Variants in WWOX observed in about 807,000 individuals in gnomAD.
The protein encoded by WWOX is WW domain containing oxidoreductase, also known as WW domain-containing oxidoreductase.
Under a neutral mutation model 46.2 loss-of-function variants are expected in WWOX, and 69 were observed. The observed-to-expected ratio is 1.49, with a 90% CI of 1.23 to 1.82. The LOEUF is 1.82. WWOX is among the 40% of genes most tolerant of loss of function. WWOX has a pLI of 0.00. For missense variants in WWOX, 919 were observed against 542.6 expected, an observed-to-expected ratio of 1.69 and a Z score of -6.89; for synonymous variants, 359 against 202.6, an observed-to-expected ratio of 1.77 and a Z score of -6.56.
Position 78,110,360 on chromosome 16 carries a change from AAG to A in WWOX, c.230+528_230+529del, listed in dbSNP as rs1555535410. Among the ~76,000 whole-genome samples, 11 of 147,972 alleles carry A rather than the reference AAG, an allele frequency of 7.4e-5. 1 individual carries two copies. Among genetic ancestry groups the A allele is most frequent in the Non-Finnish European group, 1.2e-4 (8 of 66,236 alleles). ...TTCTCAAAAAAAAAAAAAAAAAAAAAAGAGGGAATGCACTGTGTGGACTGTTT... is the reference window on the plus strand; with the variant it reads ...TTCTCAAAAAAAAAAAAAAAAAAAAAAGGGAATGCACTGTGTGGACTGTTT... On this transcript the variant is annotated intron_variant, in intron 3 of 8. Coordinates refer to ENST00000566780, the MANE Select transcript of WWOX (RefSeq NM_016373.4).
chr16:78,691,563 C>T (rs982251630), intron 8 of WWOX, among the ~76,000 whole-genome samples: 1 of 152,018 alleles, frequency 6.6e-6, no homozygotes, highest in Non-Finnish European at 1.5e-5. Context: ...AAAAAATTAT[C>T]TGGGTATAGT....
intron 8 of WWOX, among the ~76,000 whole-genome samples, chr16:78,524,664 C>T (rs2043420613): frequency 6.6e-6 from 1 of 151,892 alleles, no homozygotes; most frequent in Non-Finnish European, 1.5e-5. Context: ...CGTGATCCAC[C>T]CGCCTCAGCC....
chr16:78,395,454 G>C (rs1043328455), intron 6 of WWOX, among the ~76,000 whole-genome samples: 1 of 152,174 alleles, frequency 6.6e-6, no homozygotes, highest in Non-Finnish European at 1.5e-5. Flanking sequence ...GCATGGTGGA[G>C]GCTGCCATGA....
chr16:78,199,512 C>G (rs772561504), intron 5 of WWOX, among the ~76,000 whole-genome samples: 5 of 152,138 alleles, frequency 3.3e-5, no homozygotes, highest in East Asian at 1.9e-4. Flanking sequence ...GCATCATGAC[C>G]TTTGTACTAC....
intron 5 of WWOX, among the ~76,000 whole-genome samples, chr16:78,216,302 A>C (rs537430080): frequency 2.0e-5 from 3 of 152,334 alleles, no homozygotes; most frequent in African/African-American, 7.2e-5. Flanking sequence ...CACTTTGAAC[A>C]CTTGCAGGTT....
At chr16:78,307,230 C>G (rs1261301475) in intron 5 of WWOX, among the ~76,000 whole-genome samples, 2 of 152,162 alleles carry the variant, frequency 1.3e-5, no homozygotes, top group Admixed American at 6.5e-5. Context: ...CCGTTCATTG[C>G]TAGCACAATG....
At chr16:79,196,849 A>T (rs760842106) in intron 8 of WWOX, among the ~76,000 whole-genome samples, 2 of 152,116 alleles carry the variant, frequency 1.3e-5, no homozygotes, top group African/African-American at 4.8e-5. Context: ...GAAATAATGA[A>T]GTCTAAGGTC....
At chr16:78,938,198 G>A (rs1414309751) in intron 8 of WWOX, among the ~76,000 whole-genome samples, 1 of 152,166 alleles carries the variant, frequency 6.6e-6, no homozygotes, top group African/African-American at 2.4e-5. Flanking sequence ...AGAGGAGTGT[G>A]AAATACATGA....
At chr16:78,409,178 C>T (rs1007753279) in intron 6 of WWOX, among the ~76,000 whole-genome samples, 4 of 152,086 alleles carry the variant, frequency 2.6e-5, no homozygotes, top group African/African-American at 7.2e-5. Flanking sequence ...TTTAGAAATA[C>T]AGAAAGTCCT....
intron 5 of WWOX, among the ~76,000 whole-genome samples, chr16:78,242,806 G>T (rs1006672100): frequency 3.9e-5 from 6 of 152,090 alleles, no homozygotes; most frequent in Admixed American, 2.0e-4. Flanking sequence ...TCAGGAGTTC[G>T]AGACCAGCCT....
At chr16:78,569,402 T>C (rs1430467793) in intron 8 of WWOX, among the ~76,000 whole-genome samples, 2 of 152,248 alleles carry the variant, frequency 1.3e-5, no homozygotes, top group Admixed American at 6.5e-5. Flanking sequence ...ACCTGTATTA[T>C]ACATTTCAGT....
intron 8 of WWOX, among the ~76,000 whole-genome samples, chr16:79,173,865 G>T (rs920326596): frequency 6.6e-6 from 1 of 152,146 alleles, no homozygotes; most frequent in African/African-American, 2.4e-5. Context: ...AAAGATGGAT[G>T]GGGGAGAGGA....
intron 5 of WWOX, among the ~76,000 whole-genome samples, chr16:78,336,583 G>A (rs1232610936): frequency 6.6e-6 from 1 of 150,616 alleles, no homozygotes; most frequent in East Asian, 2.0e-4. Flanking sequence ...GAAGACAATA[G>A]GGAGTGTTGA....
chr16:78,638,422 C>A (rs78664161), intron 8 of WWOX, among the ~76,000 whole-genome samples: 2 of 152,244 alleles, frequency 1.3e-5, no homozygotes, highest in African/African-American at 4.8e-5. Context: ...CACCTTCCAC[C>A]ACCATTTTTT....
At chr16:79,189,405 G>T (rs191784379) in intron 8 of WWOX, among the ~76,000 whole-genome samples, 94 of 149,952 alleles carry the variant, frequency 6.3e-4, no homozygotes, top group African/African-American at 2.3e-3. Flanking sequence ...CTACAGGCAT[G>T]CACCACCACT....
chr16:79,131,026 C>G (rs2049867199), intron 8 of WWOX, among the ~76,000 whole-genome samples: 1 of 152,178 alleles, frequency 6.6e-6, no homozygotes, highest in African/African-American at 2.4e-5. Context: ...GAAGTTATAT[C>G]ACAACCAGAA....
chr16:78,816,976 G>C (rs191056733), intron 8 of WWOX, among the ~76,000 whole-genome samples: 69 of 152,166 alleles, frequency 4.5e-4, no homozygotes, highest in Admixed American at 9.2e-4. Flanking sequence ...CCTTGGGCCT[G>C]AGCTATTGCC....
chr16:78,290,939 A>C (rs540484647), intron 5 of WWOX, among the ~76,000 whole-genome samples: 4 of 152,216 alleles, frequency 2.6e-5, no homozygotes, highest in Non-Finnish European at 4.4e-5. Context: ...AAGACTAACT[A>C]AGAAAGGTAG....
intron 8 of WWOX, among the ~76,000 whole-genome samples, chr16:78,807,740 T>A (rs1469160945): frequency 6.6e-6 from 1 of 152,238 alleles, no homozygotes; most frequent in Non-Finnish European, 1.5e-5. Flanking sequence ...TTCTCCAAAG[T>A]GGCCTGACCA....
Sources: gnomAD v4.1 joint callset for allele counts (sites outside exome capture counted in the v4.1 genomes callset) on GRCh38, gnomAD v4.1.1 for gene constraint, MANE v1.5 for transcripts, NCBI Gene and HGNC (gene_info 2026-07-23, HGNC 2026-07-21) for gene names.